Variants in DCTN1 observed in about 807,000 individuals in gnomAD.
DCTN1 encodes dynactin subunit 1.
In DCTN1, 61 loss-of-function variants were observed where a neutral mutation model predicts 161.2. The ratio of observed to expected loss-of-function variants is 0.38; its 90% confidence interval spans 0.31 to 0.47. The LOEUF (loss-of-function observed/expected upper bound fraction) is 0.47. Ranked by LOEUF, DCTN1 falls within the 20% of genes least tolerant of loss-of-function variation. The pLI is 0.99. For synonymous variants in DCTN1, 653 were observed against 632.4 expected, an observed-to-expected ratio of 1.03 and a Z score of -0.49; for missense variants, 1,404 against 1,623.7, an observed-to-expected ratio of 0.86 and a Z score of 2.33.
In DCTN1 at chr2:74,362,150, G is replaced by A. The variant is rs1353071901; in HGVS notation, c.3610-9C>T. 1 of 1,613,116 alleles carries A rather than the reference G, an allele frequency of 6.2e-7. No homozygotes were observed. Among genetic ancestry groups the A allele is most frequent in the East Asian group, 2.2e-5 (1 of 44,846 alleles). ...TCCTTGAGGACCTCATCCTAGGGAA[G>A]GGGAGAGGAAGACAAGGGTTCATTT... On this transcript the variant is annotated splice_polypyrimidine_tract_variant and intron_variant, in intron 30 of 31. Transcript: ENST00000628224.
chr2:74,391,485 G>A (rs544413811), intron 1 of DCTN1: 2 of 288,986 alleles, frequency 6.9e-6, no homozygotes, highest in Non-Finnish European at 1.3e-5. Context: ...CAGGAAACCT[G>A]TAGCTCAGTA....
chr2:74,366,818 G>C lies in DCTN1; in HGVS notation c.2431C>G (p.Pro811Ala), dbSNP rs1553464320. Reference protein sequence around the residue: ...IRRRMPGTDAPGIPAALAFGP... With the variant: ...IRRRMPGTDAAGIPAALAFGP... ...AAGGCCAGTGCAGCTGGGATCCCAGGAGCATCTGTCCCTGGCATTCGCCTT... is the reference window on the plus strand; with the variant it reads ...AAGGCCAGTGCAGCTGGGATCCCAGCAGCATCTGTCCCTGGCATTCGCCTT... The change falls in exon 21 of 32, where the codon CCT becomes GCT. Residue 811 changes from proline to alanine, a missense_variant. Physicochemically the swap from Pro to Ala is conservative, Grantham distance 27. Transcript: ENST00000628224. 2 of 1,614,216 alleles carry C rather than the reference G, an allele frequency of 1.2e-6. No homozygotes were observed. The highest frequency in any genetic ancestry group is 1.7e-6 in the Non-Finnish European group (2 of 1,180,046).
Position 74,365,576 on chromosome 2 carries a change from G to T in DCTN1, c.2968C>A (p.Arg990Ser). Residue 990 changes from arginine to serine, a missense_variant, in exon 25 of 32, where the codon CGC becomes AGC. Arg to Ser is a moderately radical substitution (Grantham distance 110). Around this residue, in one of 9 missense-constraint regions of DCTN1, gnomAD observed 475 missense variants for 489.8 expected, o/e 0.97. Coordinates refer to ENST00000628224, the MANE Select transcript of DCTN1 (RefSeq NM_004082.5). Reference protein sequence around the residue: ...LDSAAKDADERIEKVQTRLEE... With the variant: ...LDSAAKDADESIEKVQTRLEE... The stretch of plus-strand genomic sequence containing the variant: ...AGCCGAGTCTGGACTTTCTCGATGC[G>T]CTCATCTGCATCCTTGGCAGCACTG... 6.2e-7 allele frequency: 1 copy of T among 1,614,108 alleles called. No individual in the cohort carries two copies. Among genetic ancestry groups the T allele is most frequent in the South Asian group, 1.1e-5 (1 of 91,078 alleles).
Position 74,362,046 on chromosome 2 carries a change from C to T in DCTN1, c.3699+6G>A, listed in dbSNP as rs1367480989. 1 of 1,613,578 alleles carries T rather than the reference C, an allele frequency of 6.2e-7. No homozygotes were observed. Among genetic ancestry groups the T allele is most frequent in the South Asian group, 1.1e-5 (1 of 91,050 alleles). ...GTCCCATCCTCCACCCCATGCTCCC[C>T]CTCACCCTGAGGAAGGCTGATGAAG... On this transcript the variant is annotated splice_donor_region_variant and intron_variant, in intron 31 of 31. Coordinates refer to ENST00000628224, the MANE Select transcript of DCTN1 (RefSeq NM_004082.5).
chr2:74,362,039 T>TG lies in DCTN1; in HGVS notation c.3699+12dup, dbSNP rs1674036286. Reference sequence around the variant, plus strand: ...CCACACTGTCCCATCCTCCACCCCATGCTCCCCCTCACCCTGAGGAAGGCT... The same window carrying TG: ...CCACACTGTCCCATCCTCCACCCCATGGCTCCCCCTCACCCTGAGGAAGGCT... On this transcript the variant is annotated intron_variant, in intron 31 of 31. Transcript: ENST00000628224. The TG allele has an allele frequency of 2.5e-6, 4 of 1,612,342 alleles. No individual in the cohort carries two copies. The highest frequency in any genetic ancestry group is 2.7e-5 in the African/African-American group (2 of 74,564).
chr2:74,376,593 G>A, intron 5 of DCTN1, 149 bp downstream of exon 5: 1 of 748,464 alleles, frequency 1.3e-6, no homozygotes, highest in Non-Finnish European at 2.3e-6. Context: ...CCCTTCAAAG[G>A]AACTCTGAAA....
Position 74,369,513 on chromosome 2 carries a change from T to A in DCTN1, c.1393-22A>T, listed in dbSNP as rs13429740. The A allele has an allele frequency of 6.2e-7, 1 of 1,609,638 alleles. No individual in the cohort carries two copies. Reference sequence around the variant, plus strand: ...CTTCCTAGGACACCACACCATAGTTTGGGCTAAAGAAAGGCAGGGTCGGCC... The same window carrying A: ...CTTCCTAGGACACCACACCATAGTTAGGGCTAAAGAAAGGCAGGGTCGGCC... On this transcript the variant is annotated intron_variant, in intron 13 of 31. Transcript: ENST00000628224. This position sits in a 1 kb window ranked among gnomAD's most constrained non-coding sequence, Gnocchi z 4.9.
At chr2:74,391,711 C>T (rs974215948) in intron 1 of DCTN1, 1 of 434,672 alleles carries the variant, frequency 2.3e-6, no homozygotes, top group Non-Finnish European at 4.6e-6. Flanking sequence ...ACACCGGGCT[C>T]GGTCCCCAGC....
At chr2:74,377,339 C>T (rs930994297) in intron 4 of DCTN1, 93 bp downstream of exon 4, 7 of 1,128,148 alleles carry the variant, frequency 6.2e-6, no homozygotes, top group Non-Finnish European at 9.5e-6. Flanking sequence ...ATCAGACTCA[C>T]CTACTACTTC....
intron 24 of DCTN1, 22 bp from the exon 25 acceptor site, chr2:74,365,679 A>G (rs375502899): frequency 5.0e-6 from 8 of 1,613,922 alleles, no homozygotes; most frequent in Non-Finnish European, 6.8e-6. Context: ...CAGAACTTCT[A>G]GATCCCTGAC....
chr2:74,375,656 A>C (rs547647488), intron 5 of DCTN1, among the ~76,000 whole-genome samples: 1 of 152,314 alleles, frequency 6.6e-6, no homozygotes, highest in East Asian at 1.9e-4. Context: ...GTGAAATGGA[A>C]GCCCCAACCA....
chr2:74,382,930 C>A (rs1281227659), upstream of DCTN1, among the ~76,000 whole-genome samples: 1 of 151,568 alleles, frequency 6.6e-6, no homozygotes, highest in African/African-American at 2.4e-5. Context: ...AAAAAATTAG[C>A]CGGGCGCGGT....
In DCTN1 at chr2:74,362,108, G is replaced by C. The variant is rs184147813; in HGVS notation, c.3643C>G (p.Pro1215Ala). 9.3e-5 allele frequency: 150 copies of C among 1,613,864 alleles called. No individual in the cohort carries two copies. In the African/African-American group the frequency reaches 1.7e-3, roughly 18 times the overall value. ...EVLKETVSQR[P>A]GATVPTDFAT... The stretch of plus-strand genomic sequence containing the variant: ...AAGTCAGTGGGTACTGTGGCTCCAG[G>C]GCGCTGAGATACTGTCTCCTTGAGG... The change falls in exon 31 of 32, where the codon CCT becomes GCT. Residue 1215 changes from proline to alanine, a missense_variant. Physicochemically the swap from Pro to Ala is conservative, Grantham distance 27 (BLOSUM62 -1). Coordinates refer to ENST00000628224, the MANE Select transcript of DCTN1 (RefSeq NM_004082.5).
intron 1 of DCTN1, among the ~76,000 whole-genome samples, chr2:74,386,214 C>G (rs1324156736): frequency 3.3e-5 from 5 of 152,176 alleles, no homozygotes; most frequent in Non-Finnish European, 5.9e-5. Flanking sequence ...ACTCTAGGCT[C>G]TCAAGGTTCA....
upstream of DCTN1, chr2:74,383,696 A>G (rs895318112): frequency 2.0e-5 from 3 of 152,236 alleles, no homozygotes; most frequent in African/African-American, 4.8e-5. Flanking sequence ...TAATAGATCA[A>G]ACATGAGGAA....
intron 1 of DCTN1, among the ~76,000 whole-genome samples, chr2:74,388,438 A>G (rs1675841618): frequency 1.3e-5 from 2 of 152,210 alleles, no homozygotes; most frequent in African/African-American, 2.4e-5. Flanking sequence ...ATCAATCACC[A>G]AAGTTCTCTT....
chr2:74,369,665 T>C lies in DCTN1; in HGVS notation c.1393-174A>G, dbSNP rs900491785. On this transcript the variant is annotated intron_variant, in intron 13 of 31. Transcript: ENST00000628224. This position sits in a 1 kb window ranked among gnomAD's most constrained non-coding sequence, Gnocchi z 4.9. ...CCATCTCTACTAAAAATACAAAAAT[T>C]AGCTGGGTATGGTGGCGCATGCCTG... is the stretch of plus-strand genomic sequence containing the variant. 2.0e-5 allele frequency among the ~76,000 whole-genome samples: 3 copies of C among 151,934 alleles called. No homozygotes were observed. Among genetic ancestry groups the C allele is most frequent in the African/African-American group, 7.3e-5 (3 of 41,350 alleles).
rs909177 is a variant in DCTN1 at position 74,367,887 on chromosome 2, G to A, written c.2016-23C>T. On this transcript the variant is annotated intron_variant, in intron 17 of 31. Transcript: ENST00000628224. ...GCACTAGAGACCAGAGAAGGGCACT[G>A]TGAGGCTAGAGTCTGCCAGGCAATC... 0.12 allele frequency: 200,884 copies of A among 1,614,120 alleles called. 16,747 individuals carry two copies. Among genetic ancestry groups the A allele is most frequent in the East Asian group, 0.51 (23,005 of 44,862 alleles).
At chr2:74,385,272 G>A (rs1573187468), upstream of DCTN1, 1 of 152,232 alleles carries the variant, frequency 6.6e-6, no homozygotes, top group East Asian at 1.9e-4. Flanking sequence ...GAAAAGCTAT[G>A]CTATATGCTT....
Sources: gnomAD v4.1 joint callset for allele counts (sites outside exome capture counted in the v4.1 genomes callset) on GRCh38, gnomAD v4.1.1 for gene constraint, gnomAD v4.1.1 regional missense constraint, Gnocchi (gnomAD v3.1) non-coding constraint, MANE v1.5 for transcripts, NCBI Gene and HGNC (gene_info 2026-07-23, HGNC 2026-07-21) for gene names.